Variants in CCDC152 observed in about 807,000 individuals in gnomAD.
The protein encoded by CCDC152 is coiled-coil domain containing 152.
Under a neutral mutation model 38.1 loss-of-function variants are expected in CCDC152, and 37 were observed. The observed-to-expected ratio is 0.97, with a 90% CI of 0.75 to 1.28. CCDC152 has a LOEUF of 1.28. CCDC152 is among the 50% of genes most tolerant of loss of function. CCDC152 has a pLI of 0.00. For missense variants in CCDC152, 259 were observed against 292.1 expected, an observed-to-expected ratio of 0.89 and a Z score of 0.83; for synonymous variants, 83 against 87.1, an observed-to-expected ratio of 0.95 and a Z score of 0.26.
intron 4 of CCDC152, among the ~76,000 whole-genome samples, chr5:42,771,106 A>G (rs1014999101): frequency 6.6e-6 from 1 of 152,138 alleles, no homozygotes; most frequent in Non-Finnish European, 1.5e-5. Flanking sequence ...TCTCTTTCCT[A>G]ATTGCTCTAA....
At chr5:42,784,933 T>C (rs1759899073) in intron 6 of CCDC152, among the ~76,000 whole-genome samples, 1 of 152,164 alleles carries the variant, frequency 6.6e-6, no homozygotes, top group Non-Finnish European at 1.5e-5. Flanking sequence ...GCTTTATTTC[T>C]GGGTTCTTTA....
intron 4 of CCDC152, among the ~76,000 whole-genome samples, chr5:42,773,909 G>A (rs1759732941): frequency 6.6e-6 from 1 of 152,182 alleles, no homozygotes; most frequent in Admixed American, 6.5e-5. Flanking sequence ...TCCCTTTTAA[G>A]TATTCTCACT....
In CCDC152 at chr5:42,770,192, G is replaced by T. The variant is rs145445701; in HGVS notation, c.262+527G>T. Among the ~76,000 whole-genome samples the T allele has an allele frequency of 3.4e-3, 511 of 152,290 alleles. 2 individuals are homozygous for T. The highest frequency in any genetic ancestry group is 0.011 in the African/African-American group (470 of 41,566). On this transcript the variant is annotated intron_variant, in intron 4 of 8. Coordinates refer to ENST00000361970, the MANE Select transcript of CCDC152 (RefSeq NM_001134848.2). ...TTTTGTGCTGTTCTGACTCAGCTGTGATGGCTGTGAGATTTTCTTCTACTA... is the reference window on the plus strand; with the variant it reads ...TTTTGTGCTGTTCTGACTCAGCTGTTATGGCTGTGAGATTTTCTTCTACTA...
rs2973005 is a variant in CCDC152, at chr5:42,772,032, T to A, written c.262+2367T>A. Among the ~76,000 whole-genome samples the A allele has an allele frequency of 2.1e-3, 317 of 152,204 alleles. 2 individuals carry two copies. The highest frequency in any genetic ancestry group is 7.2e-3 in the African/African-American group (300 of 41,526). ...TTCAATAAAATACTATCAAATAAAA[T>A]TCAACAGCCCATTAAAAAGATCATA... On this transcript the variant is annotated intron_variant, in intron 4 of 8. Coordinates refer to ENST00000361970, the MANE Select transcript of CCDC152 (RefSeq NM_001134848.2).
chr5:42,780,904 C>A (rs968232694), intron 5 of CCDC152, among the ~76,000 whole-genome samples: 1 of 152,046 alleles, frequency 6.6e-6, no homozygotes, highest in Non-Finnish European at 1.5e-5. Flanking sequence ...AGAAGACAAC[C>A]AATTGTAACC....
intron 6 of CCDC152, among the ~76,000 whole-genome samples, chr5:42,789,168 A>G (rs968710021): frequency 2.0e-5 from 3 of 152,204 alleles, no homozygotes; most frequent in Non-Finnish European, 4.4e-5. Flanking sequence ...TGCAGGAGTG[A>G]GGAAAGACAA....
intron 3 of CCDC152, among the ~76,000 whole-genome samples, chr5:42,764,201 G>A (rs111779699): frequency 0.018 from 2,730 of 152,192 alleles, 143 homozygotes; most frequent in South Asian, 0.18. Context: ...CACGAGGTCA[G>A]GAGTTCAAGA....
At position 42,802,142 on chromosome 5, in the gene CCDC152, A is replaced by T. The variant is rs1760220626; in HGVS notation, c.*2361A>T. Reference sequence around the variant, plus strand: ...AAAGCTTTGCTAATGTCTCCCTACCATAAGGCTGTCAGCTGAAAATAGCAA... The same window carrying T: ...AAAGCTTTGCTAATGTCTCCCTACCTTAAGGCTGTCAGCTGAAAATAGCAA... On this transcript the variant is annotated 3_prime_UTR_variant, in exon 9 of 9. Coordinates refer to ENST00000361970, the MANE Select transcript of CCDC152 (RefSeq NM_001134848.2). 1 of 152,166 alleles carries T rather than the reference A, an allele frequency of 6.6e-6. No individual in the cohort carries two copies. Among genetic ancestry groups the T allele is most frequent in the African/African-American group, 2.4e-5 (1 of 41,442 alleles). The allele number at this position is 152,166 out of a possible 1,614,324, so 9.4% of individuals were successfully genotyped here. A position where few individuals can be genotyped will look rare whatever the true frequency, so the allele number is the denominator to read the frequency against.
intron 3 of CCDC152, among the ~76,000 whole-genome samples, chr5:42,765,474 GA>G (rs1036526113): frequency 6.7e-6 from 1 of 148,378 alleles, no homozygotes; most frequent in East Asian, 2.0e-4. Context: ...CTAAGCAAAT[GA>G]AAAAAACTGG....
chr5:42,777,145 A>G (rs910526017), intron 4 of CCDC152, among the ~76,000 whole-genome samples: 2 of 152,180 alleles, frequency 1.3e-5, no homozygotes, highest in African/African-American at 2.4e-5. Flanking sequence ...AATAAAATTG[A>G]CAAGTCTGTA....
intron 6 of CCDC152, 45 bp from the exon 7 acceptor site, chr5:42,796,784 T>A (rs2111602133): frequency 8.1e-7 from 1 of 1,241,418 alleles, no homozygotes; most frequent in African/African-American, 1.6e-5. Flanking sequence ...TATAATAATT[T>A]TGAAATTTTT....
At chr5:42,789,287 T>G (rs1759967004) in intron 6 of CCDC152, among the ~76,000 whole-genome samples, 1 of 152,228 alleles carries the variant, frequency 6.6e-6, no homozygotes, top group Non-Finnish European at 1.5e-5. Context: ...TCCTGTGGGC[T>G]CTCTGACAGG....
At chr5:42,788,358 C>T (rs1046778168) in intron 6 of CCDC152, among the ~76,000 whole-genome samples, 2 of 151,504 alleles carry the variant, frequency 1.3e-5, no homozygotes, top group African/African-American at 4.8e-5. Context: ...CCCTCAAAGG[C>T]AGCTAGAGAA....
chr5:42,784,612 G>T (rs980000612), intron 6 of CCDC152, among the ~76,000 whole-genome samples: 1 of 151,200 alleles, frequency 6.6e-6, no homozygotes, highest in Admixed American at 6.6e-5. Context: ...CTTTAAATCC[G>T]ATTTGTCTAT....
At chr5:42,786,323 T>G (rs775535608) in intron 6 of CCDC152, among the ~76,000 whole-genome samples, 60 of 152,158 alleles carry the variant, frequency 3.9e-4, no homozygotes, top group Non-Finnish European at 7.1e-4. Flanking sequence ...ATGGCCCATT[T>G]AGAATTTCAG....
At chr5:42,770,232 C>T (rs1049472878) in intron 4 of CCDC152, among the ~76,000 whole-genome samples, 1 of 152,182 alleles carries the variant, frequency 6.6e-6, no homozygotes, top group African/African-American at 2.4e-5. Flanking sequence ...AGAGATTAGA[C>T]TAAATTGCCT....
chr5:42,799,302 T>C (rs1760126750), intron 7 of CCDC152, 73 bp from the exon 8 acceptor site: 2 of 756,282 alleles, frequency 2.6e-6, no homozygotes, highest in South Asian at 1.9e-5. Context: ...AAGGATAACA[T>C]GGATTATAAT....
At chr5:42,784,445 T>A (rs1459406966) in intron 6 of CCDC152, among the ~76,000 whole-genome samples, 1 of 152,184 alleles carries the variant, frequency 6.6e-6, no homozygotes, top group East Asian at 1.9e-4. Flanking sequence ...CTTTGCCCAC[T>A]TTGTAATGGG....
At chr5:42,779,387 A>G in intron 4 of CCDC152, 71 bp from the exon 5 acceptor site, 1 of 916,884 alleles carries the variant, frequency 1.1e-6, no homozygotes, top group Non-Finnish European at 1.7e-6. Flanking sequence ...GGAAGCTAAA[A>G]TGTTGAACAT....
Sources: allele counts gnomAD v4.1 joint callset (sites outside exome capture counted in the v4.1 genomes callset), GRCh38; gene constraint gnomAD v4.1.1; transcripts MANE v1.5; gene names NCBI Gene and HGNC (gene_info 2026-07-23, HGNC 2026-07-21).